ASCC3: variants seen among roughly 807,000 people sequenced by gnomAD.
ASCC3 encodes the protein activating signal cointegrator 1 complex subunit 3.
Under a neutral mutation model 256.3 loss-of-function variants are expected in ASCC3, and 158 were observed. The ratio of observed to expected loss-of-function variants is 0.62; its 90% CI spans 0.54 to 0.70. The LOEUF is 0.70. Among genes scored for constraint, ASCC3 ranks in the 30% least tolerant of loss-of-function variants. ASCC3 has a pLI of 0.00. For synonymous variants in ASCC3, 948 were observed against 883.4 expected, an observed-to-expected ratio of 1.07 and a Z score of -1.30; for missense variants, 2,259 against 2,626.0, an observed-to-expected ratio of 0.86 and a Z score of 3.05.
chr6:100,870,283 G>C (rs1483764562), intron 1 of ASCC3, among the ~76,000 whole-genome samples: 1 of 151,288 alleles, frequency 6.6e-6, no homozygotes, highest in African/African-American at 2.4e-5. Context: ...AGAATCGCTT[G>C]AACCTGGGAG....
At chr6:100,769,048 A>G (rs1412470319) in intron 8 of ASCC3, among the ~76,000 whole-genome samples, 1 of 152,116 alleles carries the variant, frequency 6.6e-6, no homozygotes, top group Non-Finnish European at 1.5e-5. Context: ...ATAAAAATTT[A>G]TTATGTCAAA....
chr6:100,551,287 G>A (rs575089035), intron 36 of ASCC3, among the ~76,000 whole-genome samples: 2 of 151,846 alleles, frequency 1.3e-5, no homozygotes, highest in African/African-American at 4.8e-5. Flanking sequence ...GCAGTCTAGC[G>A]GGGGAGCCAG....
intron 8 of ASCC3, among the ~76,000 whole-genome samples, chr6:100,769,576 G>A (rs1397943632): frequency 6.6e-6 from 1 of 151,152 alleles, no homozygotes; most frequent in Non-Finnish European, 1.5e-5. Context: ...CCTCCAAAAT[G>A]AAAAATTAGA....
intron 13 of ASCC3, among the ~76,000 whole-genome samples, chr6:100,688,777 A>G (rs1777702324): frequency 6.6e-6 from 1 of 152,184 alleles, no homozygotes; most frequent in Admixed American, 6.5e-5. Flanking sequence ...TCTGGAGCTT[A>G]TATCTAATTA....
chr6:100,826,105 C>A (rs1771294310), intron 4 of ASCC3, among the ~76,000 whole-genome samples: 1 of 151,916 alleles, frequency 6.6e-6, no homozygotes, highest in African/African-American at 2.4e-5. Context: ...ACATGAACTT[C>A]TTTTAGGCTA....
chr6:100,751,758 C>T (rs1336242), intron 10 of ASCC3, among the ~76,000 whole-genome samples: 70,270 of 147,404 alleles, frequency 0.48, 16,698 homozygotes, highest in Middle Eastern at 0.62. Context: ...CACACTACCA[C>T]GGAAAGCAAA....
At chr6:100,566,235 A>T (rs528410873) in intron 36 of ASCC3, among the ~76,000 whole-genome samples, 1 of 152,312 alleles carries the variant, frequency 6.6e-6, no homozygotes, top group South Asian at 2.1e-4. Flanking sequence ...CTGGATACAC[A>T]CAGTAAACCT....
intron 3 of ASCC3, among the ~76,000 whole-genome samples, chr6:100,852,990 TAA>T (rs568970969): frequency 7.0e-6 from 1 of 143,820 alleles, no homozygotes; most frequent in Non-Finnish European, 1.5e-5. Context: ...TTCCCAGAAT[TAA>T]AAAAAAAAAA....
At chr6:100,825,273 AT>A (rs71028036) in intron 4 of ASCC3, among the ~76,000 whole-genome samples, 51,711 of 141,260 alleles carry the variant, frequency 0.37, 10,304 homozygotes, top group Middle Eastern at 0.52. Context: ...TTCTTTTGTG[AT>A]TTTTTTTTTT....
intron 14 of ASCC3, among the ~76,000 whole-genome samples, chr6:100,670,565 T>TCC (rs68095280): frequency 4.1e-5 from 5 of 121,804 alleles, no homozygotes; most frequent in African/African-American, 1.5e-4. Context: ...ACAACCATCT[T>TCC]CCCCCCCCCC....
chr6:100,557,552 A>T (rs1769663326), intron 36 of ASCC3, among the ~76,000 whole-genome samples: 1 of 152,084 alleles, frequency 6.6e-6, no homozygotes, highest in Non-Finnish European at 1.5e-5. Flanking sequence ...GACTGACATT[A>T]GTATAGCCAC....
intron 25 of ASCC3, among the ~76,000 whole-genome samples, chr6:100,633,559 A>C (rs1255843426): frequency 6.6e-6 from 1 of 152,076 alleles, no homozygotes; most frequent in East Asian, 1.9e-4. Flanking sequence ...AATCATAAGA[A>C]GGAAATCATA....
chr6:100,832,028 T>A (rs1352973089), intron 4 of ASCC3, among the ~76,000 whole-genome samples: 16 of 152,076 alleles, frequency 1.1e-4, no homozygotes, highest in Non-Finnish European at 8.8e-5. Flanking sequence ...AAATAGATTT[T>A]AAAAAAATTT....
intron 36 of ASCC3, among the ~76,000 whole-genome samples, chr6:100,574,067 A>G (rs953271959): frequency 6.6e-6 from 1 of 152,112 alleles, no homozygotes; most frequent in African/African-American, 2.4e-5. Context: ...GCAATGGCAC[A>G]CAGAACTAGA....
chr6:100,702,520 A>G (rs1490288516), intron 13 of ASCC3, among the ~76,000 whole-genome samples: 1 of 152,114 alleles, frequency 6.6e-6, no homozygotes, highest in Non-Finnish European at 1.5e-5. Flanking sequence ...CTGGGTTTGG[A>G]GTACAAATAT....
At chr6:100,540,822 T>C (rs1775420948) in intron 36 of ASCC3, among the ~76,000 whole-genome samples, 1 of 152,144 alleles carries the variant, frequency 6.6e-6, no homozygotes, top group South Asian at 2.1e-4. Flanking sequence ...GAAAAAGTGA[T>C]GTTTAACTTA....
chr6:100,540,495 C>A, intron 36 of ASCC3, 108 bp from the exon 37 acceptor site: 2 of 931,674 alleles, frequency 2.1e-6, no homozygotes, highest in South Asian at 3.0e-5. Flanking sequence ...ATACAATAAC[C>A]ATATCCCTTA....
intron 2 of ASCC3, among the ~76,000 whole-genome samples, chr6:100,865,360 CTTACACACTTTTA>C (rs1241005694): frequency 6.6e-6 from 1 of 152,106 alleles, no homozygotes; most frequent in Non-Finnish European, 1.5e-5. Context: ...GCTTGTAGTA[CTTACACACTTTTA>C]AATTTTAAAA....
intron 5 of ASCC3, among the ~76,000 whole-genome samples, chr6:100,805,388 T>TA (rs1400993828): frequency 2.0e-5 from 3 of 152,020 alleles, no homozygotes; most frequent in South Asian, 2.1e-4. Context: ...GGGAAAGGGC[T>TA]AAAAAACTAC....
Sources: allele counts gnomAD v4.1 joint callset (sites outside exome capture counted in the v4.1 genomes callset), GRCh38; gene constraint gnomAD v4.1.1; transcripts MANE v1.5; gene names NCBI Gene and HGNC (gene_info 2026-07-23, HGNC 2026-07-21).